The following HERC1 variants were observed in gnomAD, a reference collection of about 807,000 sequenced individuals.
The protein encoded by HERC1 is probable E3 ubiquitin-protein ligase HERC1.
HERC1 carries 160 observed loss-of-function variants against 554.3 expected under a neutral mutation model. That is an observed-to-expected ratio of 0.29 (90% CI 0.25 to 0.33). The LOEUF is 0.33. Among genes scored for constraint, HERC1 ranks in the 10% least tolerant of loss-of-function variants. The pLI, the probability that HERC1 is intolerant of heterozygous loss-of-function variation, is 1.00. For missense variants in HERC1, 4,919 were observed against 5,918.5 expected, an observed-to-expected ratio of 0.83 and a Z score of 5.54; for synonymous variants, 2,175 against 2,131.7, an observed-to-expected ratio of 1.02 and a Z score of -0.56.
At chr15:63,666,509 C>T in intron 40 of HERC1, 37 bp from the exon 41 acceptor site, 1 of 1,295,124 alleles carries the variant, frequency 7.7e-7, no homozygotes, top group Non-Finnish European at 1.1e-6. Context: ...ACCTAAATAT[C>T]ACTAGATACC....
At chr15:63,786,676 T>C (rs1472838251) in intron 1 of HERC1, among the ~76,000 whole-genome samples, 1 of 152,192 alleles carries the variant, frequency 6.6e-6, no homozygotes, top group African/African-American at 2.4e-5. Flanking sequence ...ATGATTCTAT[T>C]TATAAGAAAT....
chr15:63,792,911 T>C (rs1331517769), intron 1 of HERC1, among the ~76,000 whole-genome samples: 2 of 152,216 alleles, frequency 1.3e-5, no homozygotes, highest in African/African-American at 4.8e-5. Context: ...CAACTAGCTA[T>C]AAAGCAGGGT....
At chr15:63,699,229 G>C (rs2072591441) in intron 25 of HERC1, among the ~76,000 whole-genome samples, 1 of 152,250 alleles carries the variant, frequency 6.6e-6, no homozygotes, top group Admixed American at 6.5e-5. Context: ...TGATGTACCA[G>C]TGTCTCTGTA....
Position 63,638,695 on chromosome 15 carries a change from C to T in HERC1, c.11967+16G>A. ...TGACTGAGAACCATCATACAGTTAT[C>T]TTCATCTTTACTGACCTCAGGTCTG... On this transcript the variant is annotated intron_variant, in intron 62 of 77. Transcript: ENST00000443617. 6.2e-7 allele frequency: 1 copy of T among 1,607,182 alleles called. No individual in the cohort carries two copies. The highest frequency in any genetic ancestry group is 8.5e-7 in the Non-Finnish European group (1 of 1,173,748).
At chr15:63,632,908 A>G in intron 67 of HERC1, 97 bp from the exon 68 acceptor site, 1 of 778,800 alleles carries the variant, frequency 1.3e-6, no homozygotes, top group Non-Finnish European at 2.1e-6. Flanking sequence ...CTTCCAACAA[A>G]AATACTAATT....
intron 10 of HERC1, among the ~76,000 whole-genome samples, chr15:63,748,579 C>A (rs559731394): frequency 6.6e-6 from 1 of 152,070 alleles, no homozygotes; most frequent in South Asian, 2.1e-4. Flanking sequence ...CTTTTCAGTT[C>A]TTGGGACCCA....
intron 1 of HERC1, among the ~76,000 whole-genome samples, chr15:63,786,292 A>AG (rs1426339495): frequency 1.6e-4 from 24 of 150,666 alleles, no homozygotes; most frequent in African/African-American, 5.4e-4. Flanking sequence ...AAAAAAAAAA[A>AG]AAGAAGAAGA....
chr15:63,817,707 T>A (rs1387273111), intron 1 of HERC1, among the ~76,000 whole-genome samples: 1 of 152,126 alleles, frequency 6.6e-6, no homozygotes, highest in Non-Finnish European at 1.5e-5. Flanking sequence ...ACAGCGAGAC[T>A]CTGTCTCAAA....
intron 14 of HERC1, among the ~76,000 whole-genome samples, chr15:63,732,622 A>G (rs1468953908): frequency 6.6e-6 from 1 of 152,256 alleles, no homozygotes; most frequent in African/African-American, 2.4e-5. Context: ...ATAAGATTAT[A>G]ACTGGCAAGG....
intron 1 of HERC1, among the ~76,000 whole-genome samples, chr15:63,832,725 T>C (rs1043823531): frequency 2.6e-5 from 4 of 152,166 alleles, no homozygotes; most frequent in Non-Finnish European, 4.4e-5. Context: ...CCAGTGATAA[T>C]GAACTAGCAG....
At chr15:63,633,388 A>G (rs1180097237) in intron 67 of HERC1, among the ~76,000 whole-genome samples, 2 of 152,246 alleles carry the variant, frequency 1.3e-5, no homozygotes, top group African/African-American at 4.8e-5. Flanking sequence ...TATAGTATGA[A>G]TAACAGCTTC....
At chr15:63,663,324 C>CA in intron 43 of HERC1, 120 bp from the exon 44 acceptor site, 1 of 803,100 alleles carries the variant, frequency 1.2e-6, no homozygotes, top group Non-Finnish European at 2.0e-6. Flanking sequence ...TATTGGATCT[C>CA]AGACCATAAA....
chr15:63,682,463 G>A (rs140177688), intron 34 of HERC1, among the ~76,000 whole-genome samples: 53 of 152,158 alleles, frequency 3.5e-4, no homozygotes, highest in African/African-American at 1.3e-3. Flanking sequence ...GAGGGGAAAG[G>A]GTTCAAAAAC....
At chr15:63,624,029 T>C in intron 72 of HERC1, 129 bp downstream of exon 72, 1 of 1,230,550 alleles carries the variant, frequency 8.1e-7, no homozygotes, top group Non-Finnish European at 1.2e-6. Context: ...CCACACCAGG[T>C]ACTAATGTAA....
intron 1 of HERC1, among the ~76,000 whole-genome samples, chr15:63,786,136 C>G (rs533144760): frequency 1.4e-4 from 21 of 151,926 alleles, no homozygotes; most frequent in South Asian, 1.0e-3. Context: ...CTGCAGTGTG[C>G]CTGTAGTCCC....
chr15:63,749,374 T>G lies in HERC1; in HGVS notation c.2212A>C (p.Arg738=). Residue 738 remains arginine, a synonymous_variant, in exon 10 of 78, where the codon AGG becomes CGG. Transcript: ENST00000443617. The surrounding 1 kb of genome is among the most constrained non-coding windows in gnomAD (Gnocchi z 4.1). ...AAACATAGGCACTCTTACCTGTCCC[T>G]AGGAAGAGCAGTCCATGCCAGACTA... is the stretch of plus-strand genomic sequence containing the variant. ...SHSLAWTALP[R]DRQVVAWHRP... 1.2e-6 allele frequency: 2 copies of G among 1,604,884 alleles called. No homozygotes were observed. The highest frequency in any genetic ancestry group is 3.5e-5 in the Admixed American group (2 of 57,694).
intron 40 of HERC1, among the ~76,000 whole-genome samples, chr15:63,667,105 A>G (rs1474774070): frequency 1.3e-5 from 2 of 152,226 alleles, no homozygotes; most frequent in Non-Finnish European, 2.9e-5. Flanking sequence ...ATGATGAGCT[A>G]TAGTGTTGGT....
chr15:63,674,053 T>A (rs2071073545), intron 38 of HERC1, among the ~76,000 whole-genome samples: 1 of 152,210 alleles, frequency 6.6e-6, no homozygotes, highest in South Asian at 2.1e-4. Context: ...GTCAGATCAA[T>A]AAATACTTTT....
Position 63,712,852 on chromosome 15 carries a change from G to C in HERC1, c.4507C>G (p.Pro1503Ala). 6.2e-7 allele frequency: 1 copy of C among 1,613,608 alleles called. No individual in the cohort carries two copies. Among genetic ancestry groups the C allele is most frequent in the South Asian group, 1.1e-5 (1 of 91,034 alleles). ...CTCGATTTGATCAGTCTATAATTTG[G>C]GCTTGTGTGGACTAGCCGGCTCTCT... is the stretch of plus-strand genomic sequence containing the variant. ...TAESRLVHTS[P>A]NYRLIKSRSE... Residue 1503 changes from proline (P) to alanine (A), a missense_variant, in exon 24 of 78, where the codon CCA becomes GCA. By Grantham distance (27) the Pro-to-Ala change is conservative. Coordinates refer to ENST00000443617, the MANE Select transcript of HERC1 (RefSeq NM_003922.4).
Sources: allele counts gnomAD v4.1 joint callset (sites outside exome capture counted in the v4.1 genomes callset), GRCh38; gene constraint gnomAD v4.1.1; non-coding constraint Gnocchi (gnomAD v3.1); transcripts MANE v1.5; gene names NCBI Gene and HGNC (gene_info 2026-07-23, HGNC 2026-07-21).